WWOX: variants seen among roughly 807,000 people sequenced by gnomAD.
WWOX encodes the protein WW domain containing oxidoreductase, also known as WW domain-containing oxidoreductase.
Under a neutral mutation model 46.2 loss-of-function variants are expected in WWOX, and 69 were observed. The observed-to-expected ratio is 1.49, with a 90% CI of 1.23 to 1.82. WWOX has a LOEUF of 1.82. Ranked by LOEUF, WWOX falls within the 40% of genes most tolerant of loss-of-function variation. WWOX has a pLI of 0.00. For synonymous variants in WWOX, 359 were observed against 202.6 expected (o/e 1.77, Z -6.56); for missense variants, 919 against 542.6 (o/e 1.69, Z -6.89).
intron 8 of WWOX, among the ~76,000 whole-genome samples, chr16:78,622,193 C>A (rs1222731293): frequency 6.6e-6 from 1 of 152,140 alleles, no homozygotes; most frequent in Non-Finnish European, 1.5e-5. Flanking sequence ...TTCTTCTCTC[C>A]TGCACCAAGT....
At chr16:78,243,744 T>A (rs1597394417) in intron 5 of WWOX, among the ~76,000 whole-genome samples, 1 of 152,190 alleles carries the variant, frequency 6.6e-6, no homozygotes, top group African/African-American at 2.4e-5. Context: ...GCAGTGTTTC[T>A]CCATGTTGGC....
chr16:78,988,915 G>A (rs1359338026), intron 8 of WWOX, among the ~76,000 whole-genome samples: 1 of 152,136 alleles, frequency 6.6e-6, no homozygotes, highest in African/African-American at 2.4e-5. Context: ...GCAGATACAC[G>A]TGCTTCTTTT....
intron 8 of WWOX, among the ~76,000 whole-genome samples, chr16:78,746,181 A>C (rs1366558516): frequency 6.6e-6 from 1 of 152,206 alleles, no homozygotes; most frequent in African/African-American, 2.4e-5. Context: ...CAGGGTCAGC[A>C]GAAAGCTGAC....
intron 8 of WWOX, among the ~76,000 whole-genome samples, chr16:78,523,083 A>C (rs923605512): frequency 4.6e-5 from 7 of 152,168 alleles, no homozygotes; most frequent in African/African-American, 1.7e-4. Context: ...AAAAAAATAA[A>C]TAAATAAAAA....
chr16:78,189,586 A>G (rs1194686195), intron 5 of WWOX, among the ~76,000 whole-genome samples: 1 of 152,210 alleles, frequency 6.6e-6, no homozygotes, highest in African/African-American at 2.4e-5. Context: ...GAGATCAAGT[A>G]GTTAACAGCC....
chr16:78,797,936 C>T (rs906329996), intron 8 of WWOX, among the ~76,000 whole-genome samples: 2 of 152,170 alleles, frequency 1.3e-5, no homozygotes, highest in Non-Finnish European at 2.9e-5. Context: ...GGTAGTGAGT[C>T]ATGGTCACAC....
intron 8 of WWOX, among the ~76,000 whole-genome samples, chr16:78,442,751 G>A (rs1442245317): frequency 6.6e-6 from 1 of 151,692 alleles, no homozygotes; most frequent in Non-Finnish European, 1.5e-5. Context: ...AGGCTGAGGC[G>A]GATGAATCAC....
At chr16:79,172,015 G>C (rs1015238586) in intron 8 of WWOX, among the ~76,000 whole-genome samples, 17 of 152,148 alleles carry the variant, frequency 1.1e-4, no homozygotes, top group African/African-American at 3.4e-4. Context: ...TGACTCTCAG[G>C]AACACGGAGC....
At chr16:78,111,107 A>G (rs1018097659) in intron 3 of WWOX, among the ~76,000 whole-genome samples, 1 of 152,038 alleles carries the variant, frequency 6.6e-6, no homozygotes. Context: ...TCTGAGTGTG[A>G]GTCCACTTGC....
chr16:78,996,818 A>G (rs1041031262), intron 8 of WWOX, among the ~76,000 whole-genome samples: 5 of 152,186 alleles, frequency 3.3e-5, no homozygotes, highest in Admixed American at 1.3e-4. Flanking sequence ...CACTGTTTAT[A>G]GAGCCATCGC....
At chr16:78,124,850 T>C (rs1259642751) in intron 4 of WWOX, among the ~76,000 whole-genome samples, 1 of 152,126 alleles carries the variant, frequency 6.6e-6, no homozygotes, top group Non-Finnish European at 1.5e-5. Context: ...ACAAGGTTTC[T>C]TCACTAGACT....
At chr16:78,507,309 A>G (rs1311673101) in intron 8 of WWOX, among the ~76,000 whole-genome samples, 1 of 152,220 alleles carries the variant, frequency 6.6e-6, no homozygotes, top group African/African-American at 2.4e-5. Flanking sequence ...CAAAATGTAA[A>G]TTGTGCCTAG....
At chr16:78,198,596 C>T (rs1206475916) in intron 5 of WWOX, among the ~76,000 whole-genome samples, 1 of 152,188 alleles carries the variant, frequency 6.6e-6, no homozygotes, top group Non-Finnish European at 1.5e-5. Flanking sequence ...TGGCTGCTTC[C>T]TGTGTCTTAA....
chr16:79,006,374 G>C (rs1168913027), intron 8 of WWOX, among the ~76,000 whole-genome samples: 1 of 152,176 alleles, frequency 6.6e-6, no homozygotes, highest in African/African-American at 2.4e-5. Context: ...ACCGGCAGAG[G>C]ATGAAGACAG....
intron 5 of WWOX, among the ~76,000 whole-genome samples, chr16:78,361,088 G>C (rs941475916): frequency 6.6e-6 from 1 of 151,956 alleles, no homozygotes; most frequent in Non-Finnish European, 1.5e-5. Flanking sequence ...TTCCCAAAGT[G>C]CTGGGATTAC....
intron 8 of WWOX, among the ~76,000 whole-genome samples, chr16:78,933,546 C>T (rs2045669235): frequency 6.6e-6 from 1 of 152,208 alleles, no homozygotes; most frequent in African/African-American, 2.4e-5. Flanking sequence ...GTGTGAACTG[C>T]TCCTTTAAGA....
At chr16:78,629,884 T>A in intron 8 of WWOX, among the ~76,000 whole-genome samples, 1 of 152,328 alleles carries the variant, frequency 6.6e-6, no homozygotes, top group East Asian at 1.9e-4. Flanking sequence ...TAGAAAATTA[T>A]CTAAGAAGTA....
intron 8 of WWOX, among the ~76,000 whole-genome samples, chr16:78,810,107 G>A (rs907524279): frequency 1.2e-4 from 19 of 152,204 alleles, no homozygotes; most frequent in African/African-American, 4.1e-4. Flanking sequence ...AGTGAATTAA[G>A]AGTATGGGGA....
At chr16:78,175,031 A>ATAATAG (rs61181651) in intron 5 of WWOX, among the ~76,000 whole-genome samples, 19 of 126,266 alleles carry the variant, frequency 1.5e-4, no homozygotes, top group African/African-American at 6.1e-4. Context: ...AATAATAATA[A>ATAATAG]GAATCTGACT....
Sources: allele counts gnomAD v4.1 joint callset (sites outside exome capture counted in the v4.1 genomes callset), GRCh38; gene constraint gnomAD v4.1.1; transcripts MANE v1.5; gene names NCBI Gene and HGNC (gene_info 2026-07-23, HGNC 2026-07-21).